The following NOS1 variants were observed in gnomAD, a reference collection of about 807,000 sequenced individuals.
NOS1 encodes the protein nitric oxide synthase 1.
Under a neutral mutation model 164.5 loss-of-function variants are expected in NOS1, and 51 were observed. The ratio of observed to expected loss-of-function variants is 0.31; its 90% CI spans 0.25 to 0.39. The LOEUF (loss-of-function observed/expected upper bound fraction) is 0.39. Ranked by LOEUF, NOS1 falls within the 10% of genes least tolerant of loss-of-function variation. The pLI is 1.00. For synonymous variants in NOS1, 719 were observed against 745.8 expected (o/e 0.96, Z 0.59); for missense variants, 1,362 against 1,885.6 (o/e 0.72, Z 5.14).
chr12:117,281,810 C>T (rs547123350), intron 7 of NOS1, among the ~76,000 whole-genome samples: 38 of 132,194 alleles, frequency 2.9e-4, no homozygotes, highest in Non-Finnish European at 4.6e-4. Flanking sequence ...AGCCTGGCAA[C>T]AGAGCAAGAC....
intron 7 of NOS1, among the ~76,000 whole-genome samples, chr12:117,283,473 A>T (rs953888917): frequency 2.6e-5 from 4 of 152,064 alleles, no homozygotes; most frequent in Admixed American, 2.0e-4. Context: ...TCTCACAAAG[A>T]CCCCTTAATA....
At chr12:117,230,309 TAA>T (rs1392666092) in intron 22 of NOS1, among the ~76,000 whole-genome samples, 1 of 152,184 alleles carries the variant, frequency 6.6e-6, no homozygotes, top group African/African-American at 2.4e-5. Flanking sequence ...CCCCATTAAT[TAA>T]AAGTTTTAAA....
rs766800474 is a variant in NOS1, at chr12:117,226,750, G to A, written c.3637C>T (p.His1213Tyr). 32 of 1,613,896 alleles carry A rather than the reference G, an allele frequency of 2.0e-5. 1 individual carries two copies. In the South Asian group the frequency reaches 3.4e-4, roughly 17 times the overall value. ...RTRDGEGPIH[H>Y]GVCSSWLNRI... Reference sequence around the variant, plus strand: ...TTGAGCCAGGAGGAGCATACGCCGTGGTGAATTGGTCCTTCTCCATCTAGT... The same window carrying A: ...TTGAGCCAGGAGGAGCATACGCCGTAGTGAATTGGTCCTTCTCCATCTAGT... Residue 1213 changes from histidine to tyrosine, a missense_variant, in exon 24 of 29, where the codon CAC becomes TAC. His to Tyr is a moderately conservative substitution (Grantham distance 83, BLOSUM62 2). Coordinates refer to ENST00000317775, the MANE Select transcript of NOS1 (RefSeq NM_000620.5).
intron 2 of NOS1, among the ~76,000 whole-genome samples, chr12:117,319,065 T>G (rs1352106237): frequency 6.6e-6 from 1 of 151,936 alleles, no homozygotes; most frequent in Non-Finnish European, 1.5e-5. Flanking sequence ...AAAGTATGCT[T>G]TATTATTATT....
chr12:117,233,034 CTTTTTTTT>C (rs34474757), intron 21 of NOS1, among the ~76,000 whole-genome samples: 1 of 88,366 alleles, frequency 1.1e-5, no homozygotes, highest in African/African-American at 5.1e-5. Flanking sequence ...TGCCTCACTA[CTTTTTTTT>C]TTTTTTTTTT....
chr12:117,288,748 A>C (rs1181720982), intron 4 of NOS1, among the ~76,000 whole-genome samples: 1 of 152,176 alleles, frequency 6.6e-6, no homozygotes, highest in Non-Finnish European at 1.5e-5. Context: ...GACAACTCTG[A>C]GTCTAAGCCT....
At chr12:117,358,839 T>G (rs1335917088) in intron 1 of NOS1, among the ~76,000 whole-genome samples, 4 of 152,234 alleles carry the variant, frequency 2.6e-5, no homozygotes, top group Admixed American at 6.5e-5. Context: ...GACCATAGCG[T>G]TGGCCTCTGG....
intron 1 of NOS1, among the ~76,000 whole-genome samples, chr12:117,349,519 A>G (rs138430928): frequency 4.5e-4 from 68 of 152,336 alleles, no homozygotes; most frequent in Middle Eastern, 3.4e-3. Context: ...TTGGAACTAG[A>G]TAGAGGCAAT....
intron 4 of NOS1, among the ~76,000 whole-genome samples, chr12:117,288,982 A>G (rs1343484533): frequency 6.6e-6 from 1 of 152,130 alleles, no homozygotes; most frequent in Non-Finnish European, 1.5e-5. Flanking sequence ...CAGATCAATC[A>G]CTGATCTACC....
At chr12:117,231,854 G>T in intron 22 of NOS1, 108 bp downstream of exon 22, 1 of 1,222,410 alleles carries the variant, frequency 8.2e-7, no homozygotes, top group Non-Finnish European at 1.1e-6. Flanking sequence ...TGGCCCCCTT[G>T]GCTCAAGACT....
chr12:117,216,545 A>G (rs1304724376), intron 28 of NOS1, among the ~76,000 whole-genome samples: 2 of 150,406 alleles, frequency 1.3e-5, no homozygotes, highest in Non-Finnish European at 3.0e-5. Flanking sequence ...TGGTGCCATC[A>G]TGGCTCACTG....
intron 27 of NOS1, 63 bp downstream of exon 27, chr12:117,220,011 GA>G (rs1956676069): frequency 2.0e-6 from 3 of 1,484,824 alleles, no homozygotes; most frequent in Non-Finnish European, 2.7e-6. Flanking sequence ...CAGGTTGGAT[GA>G]AAAAGGGGGG....
chr12:117,284,820 C>T (rs1181696808), intron 7 of NOS1, among the ~76,000 whole-genome samples: 2 of 151,854 alleles, frequency 1.3e-5, no homozygotes, highest in East Asian at 1.9e-4. Context: ...GAGGCCGAGG[C>T]GGGTGGAGCA....
intron 2 of NOS1, among the ~76,000 whole-genome samples, chr12:117,321,832 G>A (rs1050514512): frequency 1.3e-5 from 2 of 152,062 alleles, no homozygotes; most frequent in Non-Finnish European, 2.9e-5. Flanking sequence ...TAACTAGCGT[G>A]AGTCCTCGAA....
intron 22 of NOS1, among the ~76,000 whole-genome samples, chr12:117,231,266 C>T (rs561557863): frequency 2.6e-5 from 4 of 151,170 alleles, no homozygotes; most frequent in East Asian, 1.9e-4. Flanking sequence ...TGCAGTGAAC[C>T]GAGATTGCGC....
chr12:117,297,279 G>A (rs1873479945), intron 3 of NOS1, among the ~76,000 whole-genome samples: 2 of 152,326 alleles, frequency 1.3e-5, no homozygotes, highest in African/African-American at 4.8e-5. Context: ...GGGGCAGCAG[G>A]ACTGGAAGCA....
chr12:117,259,822 T>C (rs1030261085), intron 14 of NOS1, among the ~76,000 whole-genome samples: 7 of 151,938 alleles, frequency 4.6e-5, no homozygotes, highest in African/African-American at 7.3e-5. Context: ...GCCACAGCAA[T>C]GAAAACCATC....
At chr12:117,340,868 T>C (rs1876069000) in intron 1 of NOS1, among the ~76,000 whole-genome samples, 1 of 133,434 alleles carries the variant, frequency 7.5e-6, no homozygotes. Flanking sequence ...ATATCACACC[T>C]GGCTATTTTT....
intron 17 of NOS1, among the ~76,000 whole-genome samples, chr12:117,253,428 T>C (rs1248174142): frequency 6.6e-6 from 1 of 151,924 alleles, no homozygotes; most frequent in African/African-American, 2.4e-5. Context: ...TGAAAAGAAG[T>C]CACAGAAAGG....
Sources: allele counts gnomAD v4.1 joint callset (sites outside exome capture counted in the v4.1 genomes callset), GRCh38; gene constraint gnomAD v4.1.1; transcripts MANE v1.5; gene names NCBI Gene and HGNC (gene_info 2026-07-23, HGNC 2026-07-21).